SANBR: variants seen among roughly 807,000 people sequenced by gnomAD.
The protein encoded by SANBR is SANT and BTB domain regulator of CSR, also known as SANT and BTB domain regulator of class switch recombination.
SANBR carries 77 observed loss-of-function variants against 101.8 expected under a neutral mutation model. The ratio of observed to expected loss-of-function variants is 0.76; its 90% confidence interval spans 0.63 to 0.91. The LOEUF (loss-of-function observed/expected upper bound fraction) is 0.91. SANBR is among the 40% of genes least tolerant of loss of function. The pLI, the probability that SANBR is intolerant of heterozygous loss-of-function variation, is 0.00. For synonymous variants in SANBR, 279 were observed against 274.7 expected (o/e 1.02, Z -0.15); for missense variants, 875 against 853.0 (o/e 1.03, Z -0.32).
downstream of SANBR, among the ~76,000 whole-genome samples, chr2:61,125,073 A>G (rs1684476159): frequency 6.6e-6 from 1 of 152,244 alleles, no homozygotes; most frequent in Non-Finnish European, 1.5e-5. Context: ...TTTAATTCTA[A>G]TAGGCTAACT....
intron 20 of SANBR, chr2:61,134,096 C>A (rs142408649): frequency 6.2e-7 from 1 of 1,604,226 alleles, no homozygotes; most frequent in East Asian, 2.2e-5. Context: ...GTGTGTATAT[C>A]CATCATGCAT....
chr2:61,125,717 A>G (rs1427473719), downstream of SANBR, among the ~76,000 whole-genome samples: 2 of 152,172 alleles, frequency 1.3e-5, no homozygotes, highest in Non-Finnish European at 2.9e-5. Flanking sequence ...AGTAGTTGCT[A>G]TTTGTTGAAT....
At chr2:61,134,373 C>G in intron 21 of SANBR, 1 of 1,201,386 alleles carries the variant, frequency 8.3e-7, no homozygotes, top group Non-Finnish European at 1.1e-6. Context: ...GCTTGGCTCA[C>G]GTTATTCCCC....
intron 17 of SANBR, 44 bp downstream of exon 17, chr2:61,116,114 A>AG: frequency 2.3e-6 from 3 of 1,320,858 alleles, no homozygotes; most frequent in Non-Finnish European, 3.2e-6. Flanking sequence ...TGGAAAAATA[A>AG]GCATGTGAGT....
downstream of SANBR, among the ~76,000 whole-genome samples, chr2:61,125,597 G>C (rs1395046057): frequency 6.6e-6 from 1 of 152,214 alleles, no homozygotes; most frequent in Non-Finnish European, 1.5e-5. Context: ...AAGTCTAACA[G>C]CAGCTCTCTT....
rs946810487 is a variant in SANBR at position 61,122,304 on chromosome 2, A to G, written c.*142A>G. On this transcript the variant is annotated 3_prime_UTR_variant, in exon 22 of 22. Transcript: ENST00000402291. ...TAATCCACATAAATCATAATTCTAA[A>G]AGAAATGCATAGTTAGGTTTTATGA... The G allele has an allele frequency of 1.2e-5, 15 of 1,290,008 alleles. No individual in the cohort carries two copies. The highest frequency in any genetic ancestry group is 1.5e-5 in the Non-Finnish European group (15 of 989,800). The allele number at this position is 1,290,008 out of a possible 1,614,324, so 79.9% of individuals were successfully genotyped here. A position where few individuals can be genotyped will look rare whatever the true frequency, so the allele number is the denominator to read the frequency against.
At chr2:61,088,501 T>TTA in intron 10 of SANBR, 33 bp downstream of exon 10, 1 of 1,280,820 alleles carries the variant, frequency 7.8e-7, no homozygotes, top group Non-Finnish European at 1.1e-6. Context: ...ACATGTATTT[T>TTA]TGTATATATA....
chr2:61,137,765 T>C (rs545184905), exon 22 of SANBR: 2 of 152,236 alleles, frequency 1.3e-5, no homozygotes, highest in African/African-American at 4.8e-5. Context: ...CTGCATCCTC[T>C]TCTTTTCCCA....
intron 11 of SANBR, among the ~76,000 whole-genome samples, chr2:61,093,565 A>T (rs940714167): frequency 6.6e-6 from 1 of 152,214 alleles, no homozygotes; most frequent in South Asian, 2.1e-4. Context: ...ATTGCACTCC[A>T]GTCTGGGAAA....
At position 61,118,020 on chromosome 2, in the gene SANBR, C is replaced by G. The variant is rs370085036; in HGVS notation, c.1940-8C>G. 7 of 1,601,848 alleles carry G rather than the reference C, an allele frequency of 4.4e-6. No individual in the cohort carries two copies. The highest frequency in any genetic ancestry group is 4.1e-5 in the African/African-American group (3 of 74,034). On this transcript the variant is annotated splice_region_variant and splice_polypyrimidine_tract_variant and intron_variant, in intron 19 of 21. Coordinates refer to ENST00000402291, the MANE Select transcript of SANBR (RefSeq NM_001129993.3). ...GAAAAGTAAAGTTTACTGTTTTTTT[C>G]CCTTCAGATCAACGGCGAATGACTG... is the stretch of plus-strand genomic sequence containing the variant.
chr2:61,088,388 A>G lies in SANBR; in HGVS notation c.1008A>G (p.Lys336=), dbSNP rs1682561168. 1.9e-6 allele frequency: 3 copies of G among 1,599,912 alleles called. No individual in the cohort carries two copies. The highest frequency in any genetic ancestry group is 2.7e-5 in the African/African-American group (2 of 74,004). Residue 336 remains lysine, a synonymous_variant, in exon 10 of 22, where the codon AAA becomes AAG. Transcript: ENST00000402291. ...RCCLCKKLLT[K]ETERRIPCIP... ...GTTTGTGTAAGAAACTTTTAACAAA[A>G]GAAACAGAAAGAAGAATTCCTTGCA...
chr2:61,134,276 C>T (rs1427932975), exon 21 of SANBR: 3 of 1,550,960 alleles, frequency 1.9e-6, no homozygotes, highest in African/African-American at 1.4e-5. Flanking sequence ...CTTGACATAT[C>T]GTAAGTGCTC....
In SANBR at chr2:61,083,222, C is replaced by T; in HGVS notation, c.798C>T (p.Asn266=). The change falls in exon 8 of 22, where the codon AAC becomes AAT. Residue 266 remains asparagine, a synonymous_variant. Coordinates refer to ENST00000402291, the MANE Select transcript of SANBR (RefSeq NM_001129993.3). ...NAIVATPCNM[N]CINANLLTRI... The stretch of plus-strand genomic sequence containing the variant: ...TAGTAGCTACCCCATGCAACATGAA[C>T]TGTATTAATGCAAATCTTCTCACAC... 5 of 1,610,640 alleles carry T rather than the reference C, an allele frequency of 3.1e-6. No individual in the cohort carries two copies. Among genetic ancestry groups the T allele is most frequent in the Non-Finnish European group, 4.2e-6 (5 of 1,176,930 alleles).
rs1682814370 is a variant in SANBR, at chr2:61,092,495, AAT to A, written c.1122_1123del (p.Asn374LysfsTer36). On this transcript the variant is annotated frameshift_variant, in exon 11 of 22. Transcript: ENST00000402291. LOFTEE classifies it high-confidence loss of function. ...GACATGGGATGTTCATGAGTATTTG[AAT>A]AGTCTTTTCGAAGAATTAAAATCTT... ...DKTWDVHEYLNSLFEELKSWR... is the reference protein window; with the variant it reads ...DKTWDVHEYLXSLFEELKSWR... 6.2e-7 allele frequency: 1 copy of A among 1,603,346 alleles called. No individual in the cohort carries two copies. The highest frequency in any genetic ancestry group is 8.5e-7 in the Non-Finnish European group (1 of 1,175,170).
In SANBR at chr2:61,124,092, C is replaced by A; in HGVS notation, c.*1930C>A. 7 of 921,750 alleles carry A rather than the reference C, an allele frequency of 7.6e-6. No homozygotes were observed. The highest frequency in any genetic ancestry group is 9.1e-6 in the Non-Finnish European group (7 of 771,878). 57.1% of individuals were successfully genotyped at this position (921,750 alleles called of 1,614,324 possible). A position where few individuals can be genotyped will look rare whatever the true frequency, so the allele number is the denominator to read the frequency against. ...CCTGGGTGACAGAGCAAGACTCCAT[C>A]TCAATTTAAAACAAAAAAAGAATGT... is the stretch of plus-strand genomic sequence containing the variant. On this transcript the variant is annotated 3_prime_UTR_variant, in exon 22 of 22. Transcript: ENST00000402291.
chr2:61,105,430 A>G (rs1683509149), intron 13 of SANBR, among the ~76,000 whole-genome samples: 1 of 150,580 alleles, frequency 6.6e-6, no homozygotes, highest in South Asian at 2.1e-4. Flanking sequence ...GCGGTGGCAC[A>G]ATCTTGGCTC....
In SANBR at chr2:61,122,846, C is replaced by T. The variant is rs1684388776; in HGVS notation, c.*684C>T. 1 of 984,924 alleles carries T rather than the reference C, an allele frequency of 1.0e-6. No homozygotes were observed. The highest frequency in any genetic ancestry group is 1.7e-5 in the African/African-American group (1 of 57,174). The allele number at this position is 984,924 out of a possible 1,614,324, so 61.0% of individuals were successfully genotyped here. A position where few individuals can be genotyped will look rare whatever the true frequency, so the allele number is the denominator to read the frequency against. Reference sequence around the variant, plus strand: ...TGAGCTGGAATTACTGATTATTACTCTGTCCTCTGTGAAACTAGTGGCATT... The same window carrying T: ...TGAGCTGGAATTACTGATTATTACTTTGTCCTCTGTGAAACTAGTGGCATT... On this transcript the variant is annotated 3_prime_UTR_variant, in exon 22 of 22. Coordinates refer to ENST00000402291, the MANE Select transcript of SANBR (RefSeq NM_001129993.3).
intron 21 of SANBR, among the ~76,000 whole-genome samples, chr2:61,136,341 A>G (rs1684847891): frequency 1.3e-5 from 2 of 151,018 alleles, no homozygotes; most frequent in African/African-American, 2.4e-5. Context: ...ACAAATCAAT[A>G]TAAGTGATGG....
intron 15 of SANBR, 61 bp from the exon 16 acceptor site, chr2:61,109,136 T>G (rs1683701112): frequency 1.2e-6 from 1 of 839,644 alleles, no homozygotes; most frequent in Non-Finnish European, 1.8e-6. Context: ...GTAAATATGT[T>G]TGAAAGAATT....
Sources: gnomAD v4.1 joint callset for allele counts (sites outside exome capture counted in the v4.1 genomes callset) on GRCh38, gnomAD v4.1.1 for gene constraint, MANE v1.5 for transcripts, NCBI Gene and HGNC (gene_info 2026-07-23, HGNC 2026-07-21) for gene names.